Variants in DENND2A observed in about 807,000 individuals in gnomAD.
DENND2A encodes DENN domain containing 2A.
In DENND2A, 53 loss-of-function variants were observed where a neutral mutation model predicts 105.3. That is an observed-to-expected ratio of 0.50 (90% CI 0.40 to 0.63). DENND2A has a LOEUF of 0.63. DENND2A is among the 30% of genes least tolerant of loss of function. The pLI is 0.00. For synonymous variants in DENND2A, 522 were observed against 508.4 expected (o/e 1.03, Z -0.36); for missense variants, 1,138 against 1,279.6 (o/e 0.89, Z 1.69).
rs1039433271 is a variant in DENND2A at position 140,546,682 on chromosome 7, G to C, written c.2178+117C>G. ...AGTGATCTGGGCCAGCTCTAGGGGT[G>C]GGGAGAAGACACCAAGGAATTGGAC... On this transcript the variant is annotated intron_variant, in intron 13 of 19. Transcript: ENST00000496613. 5.3e-6 allele frequency: 7 copies of C among 1,312,476 alleles called. No individual in the cohort carries two copies. In the Admixed American group the frequency reaches 6.9e-5, roughly 13 times the overall value. 81.3% of individuals were successfully genotyped at this position (1,312,476 alleles called of 1,614,324 possible).
rs1414811636 is a variant in DENND2A, at chr7:140,559,745, C to T, written c.1852G>A (p.Asp618Asn). ...TGGACAGGAACCCAATCCTTGGCAT[C>T]GGGAAAACAGAACTGGGGAATGGCC... Reference protein sequence around the residue: ...LKAIPQFCFPDAKDWVPVQQF... With the variant: ...LKAIPQFCFPNAKDWVPVQQF... The change falls in exon 10 of 20, where the codon GAT becomes AAT. Residue 618 changes from aspartate (D) to asparagine (N), a missense_variant. Physicochemically the swap from Asp to Asn is conservative, Grantham distance 23. Coordinates refer to ENST00000496613, the MANE Select transcript of DENND2A (RefSeq NM_015689.5). The surrounding 1 kb of genome is among the most constrained non-coding windows in gnomAD (Gnocchi z 4.1). 5.6e-6 allele frequency: 9 copies of T among 1,614,118 alleles called. No homozygotes were observed. Among genetic ancestry groups the T allele is most frequent in the Non-Finnish European group, 7.6e-6 (9 of 1,180,000 alleles).
At chr7:140,615,533 T>C (rs1800050361) in intron 1 of DENND2A, among the ~76,000 whole-genome samples, 1 of 92,450 alleles carries the variant, frequency 1.1e-5, no homozygotes, top group African/African-American at 8.6e-5. Flanking sequence ...GGAGTTCTGC[T>C]TTTTTTTTTT....
At chr7:140,637,182 C>T (rs1269414483) in intron 1 of DENND2A, among the ~76,000 whole-genome samples, 4 of 144,266 alleles carry the variant, frequency 2.8e-5, no homozygotes, top group Admixed American at 1.5e-4. Context: ...GATGGGGTCT[C>T]GCCATGTTGC....
rs942714940 is a variant in DENND2A, at chr7:140,555,196, C to T, written c.2037+440G>A. ...TCACCCAGGCTGGAGTGCAATGGCACGATCTCGGCTCACTGCAACCTCCGC... is the reference window on the plus strand; with the variant it reads ...TCACCCAGGCTGGAGTGCAATGGCATGATCTCGGCTCACTGCAACCTCCGC... On this transcript the variant is annotated intron_variant, in intron 12 of 19. Transcript: ENST00000496613. 2.3e-4 allele frequency among the ~76,000 whole-genome samples: 34 copies of T among 151,088 alleles called. 1 individual carries two copies. The highest frequency in any genetic ancestry group is 7.3e-4 in the Admixed American group (11 of 15,128).
chr7:140,634,389 A>G (rs946922349), intron 1 of DENND2A, among the ~76,000 whole-genome samples: 12 of 152,200 alleles, frequency 7.9e-5, no homozygotes, highest in African/African-American at 2.7e-4. Flanking sequence ...CCCTTTTAAA[A>G]CAATAATAAG....
intron 1 of DENND2A, among the ~76,000 whole-genome samples, chr7:140,615,139 T>A (rs1800037453): frequency 6.6e-6 from 1 of 152,184 alleles, no homozygotes; most frequent in African/African-American, 2.4e-5. Context: ...AGTGCTGGGA[T>A]TACAGGCGTG....
At position 140,558,059 on chromosome 7, in the gene DENND2A, G is replaced by A. The variant is rs866206797; in HGVS notation, c.1959+84C>T. ...CCTCATCAGGGAATCTCAGTCTCACGGGACTGGGAAGCCAGACCTGGCTCT... is the reference window on the plus strand; with the variant it reads ...CCTCATCAGGGAATCTCAGTCTCACAGGACTGGGAAGCCAGACCTGGCTCT... On this transcript the variant is annotated intron_variant, in intron 11 of 19. Transcript: ENST00000496613. 17 of 1,107,504 alleles carry A rather than the reference G, an allele frequency of 1.5e-5. No individual in the cohort carries two copies. The African/African-American group carries it at 2.0e-4, about 13-fold the overall frequency. The allele number at this position is 1,107,504 out of a possible 1,614,324, so 68.6% of individuals were successfully genotyped here. A position where few individuals can be genotyped will look rare whatever the true frequency, so the allele number is the denominator to read the frequency against.
In DENND2A at chr7:140,627,837, C is replaced by CT. The variant is rs562028775; in HGVS notation, c.-248+12666dup. Reference sequence around the variant, plus strand: ...CCACCATGCCCAGCATACATTAATTCTTTTTTTTTTTTAAGACAGAGTTTC... The same window carrying CT: ...CCACCATGCCCAGCATACATTAATTCTTTTTTTTTTTTTAAGACAGAGTTTC... On this transcript the variant is annotated intron_variant, in intron 1 of 19. Coordinates refer to ENST00000496613, the MANE Select transcript of DENND2A (RefSeq NM_015689.5). 1.9e-3 allele frequency among the ~76,000 whole-genome samples: 273 copies of CT among 145,426 alleles called. 1 individual carries two copies. The South Asian group carries it at 0.022, about 12-fold the overall frequency.
At chr7:140,574,542 C>T (rs898086220) in intron 5 of DENND2A, among the ~76,000 whole-genome samples, 1 of 152,014 alleles carries the variant, frequency 6.6e-6, no homozygotes, top group Non-Finnish European at 1.5e-5. Context: ...TAGACAAGTG[C>T]GAGGTCACCT....
At chr7:140,637,928 G>A (rs1441424992) in intron 1 of DENND2A, among the ~76,000 whole-genome samples, 1 of 152,124 alleles carries the variant, frequency 6.6e-6, no homozygotes, top group South Asian at 2.1e-4. Context: ...TGTCTCCTTT[G>A]TATAGGATTT....
chr7:140,633,998 T>G (rs1198395374), intron 1 of DENND2A, among the ~76,000 whole-genome samples: 6 of 151,534 alleles, frequency 4.0e-5, no homozygotes, highest in Non-Finnish European at 8.8e-5. Flanking sequence ...AAAATAGATT[T>G]CTTTTTTTTT....
intron 14 of DENND2A, among the ~76,000 whole-genome samples, chr7:140,534,374 C>A (rs1045374135): frequency 6.6e-6 from 1 of 152,178 alleles, no homozygotes; most frequent in Non-Finnish European, 1.5e-5. Flanking sequence ...TGAGCCACCA[C>A]GCCCAGCCCA....
chr7:140,624,826 G>A (rs1483178401), intron 1 of DENND2A, among the ~76,000 whole-genome samples: 2 of 143,706 alleles, frequency 1.4e-5, no homozygotes, highest in Non-Finnish European at 3.0e-5. Flanking sequence ...TTATTAGGCT[G>A]TTGAGAGATT....
Position 140,585,604 on chromosome 7 carries a change from A to G in DENND2A, c.1230T>C (p.Pro410=). 1 of 1,614,138 alleles carries G rather than the reference A, an allele frequency of 6.2e-7. No homozygotes were observed. ...NFPASPTSSI[P]DTLTKQSLSK... ...GGACTCATACCTTGGTGAGTGTGTC[A>G]GGGATGGAAGAGGTGGGAGAAGCAG... Residue 410 remains proline, a synonymous_variant, in exon 5 of 20, where the codon CCT becomes CCC. Coordinates refer to ENST00000496613, the MANE Select transcript of DENND2A (RefSeq NM_015689.5).
Position 140,605,784 on chromosome 7 carries a change from T to C in DENND2A, c.-225A>G, listed in dbSNP as rs1799667109. ...GGCCTGCACACTGTCATCATGTCAGTACCGAGGGGAGTTCCAGGTCACCTG... is the reference window on the plus strand; with the variant it reads ...GGCCTGCACACTGTCATCATGTCAGCACCGAGGGGAGTTCCAGGTCACCTG... On this transcript the variant is annotated 5_prime_UTR_variant, in exon 2 of 20. Coordinates refer to ENST00000496613, the MANE Select transcript of DENND2A (RefSeq NM_015689.5). 1 of 152,126 alleles carries C rather than the reference T, an allele frequency of 6.6e-6. No homozygotes were observed. The highest frequency in any genetic ancestry group is 1.5e-5 in the Non-Finnish European group (1 of 68,064). 9.4% of individuals were successfully genotyped at this position (152,126 alleles called of 1,614,324 possible).
At chr7:140,595,506 C>T (rs1026232042) in intron 3 of DENND2A, among the ~76,000 whole-genome samples, 4 of 152,006 alleles carry the variant, frequency 2.6e-5, no homozygotes, top group Non-Finnish European at 4.4e-5. Flanking sequence ...TGGTGGCTCA[C>T]GCCTATAATC....
intron 3 of DENND2A, among the ~76,000 whole-genome samples, chr7:140,589,821 GT>G (rs1476333914): frequency 6.6e-6 from 1 of 151,992 alleles, no homozygotes; most frequent in Non-Finnish European, 1.5e-5. Context: ...AGAAATGGAG[GT>G]CTTGCTTTGC....
chr7:140,546,502 G>A (rs527299300), intron 13 of DENND2A, among the ~76,000 whole-genome samples: 54 of 152,224 alleles, frequency 3.5e-4, no homozygotes, highest in Non-Finnish European at 6.0e-4. Flanking sequence ...GAAAGAAAAC[G>A]GGCTATTAAA....
At chr7:140,562,342 C>A (rs1359188131) in intron 9 of DENND2A, among the ~76,000 whole-genome samples, 1 of 152,056 alleles carries the variant, frequency 6.6e-6, no homozygotes. Context: ...GCACAGAGCA[C>A]CAGACTGATT....
Sources: allele counts gnomAD v4.1 joint callset (sites outside exome capture counted in the v4.1 genomes callset), GRCh38; gene constraint gnomAD v4.1.1; non-coding constraint Gnocchi (gnomAD v3.1); transcripts MANE v1.5; gene names NCBI Gene and HGNC (gene_info 2026-07-23, HGNC 2026-07-21).